Variants in GRM8 observed in about 807,000 individuals in gnomAD.
GRM8 encodes metabotropic glutamate receptor 8.
A neutral mutation model predicts 87.2 loss-of-function variants in GRM8; 47 were observed. The ratio of observed to expected loss-of-function variants is 0.54; its 90% CI spans 0.43 to 0.69. GRM8 has a LOEUF of 0.69. Ranked by LOEUF, GRM8 falls within the 30% of genes least tolerant of loss-of-function variation. The pLI is 0.00. For synonymous variants in GRM8, 396 were observed against 404.5 expected (o/e 0.98, Z 0.25); for missense variants, 1,019 against 1,139.2 (o/e 0.89, Z 1.52).
intron 7 of GRM8, among the ~76,000 whole-genome samples, chr7:126,742,112 A>G (rs1815076353): frequency 6.6e-6 from 1 of 151,910 alleles, no homozygotes; most frequent in Non-Finnish European, 1.5e-5. Context: ...TGTATTTTCC[A>G]TCTGCATTTG....
chr7:126,739,659 A>T (rs1814711009), intron 7 of GRM8, among the ~76,000 whole-genome samples: 1 of 152,074 alleles, frequency 6.6e-6, no homozygotes, highest in South Asian at 2.1e-4. Flanking sequence ...ATCCTCCCAC[A>T]ACCCCTTTGT....
intron 9 of GRM8, among the ~76,000 whole-genome samples, chr7:126,468,073 T>C (rs1010463043): frequency 1.3e-5 from 2 of 152,046 alleles, no homozygotes; most frequent in South Asian, 2.1e-4. Context: ...ATAAATAAGA[T>C]AATGCATATG....
intron 7 of GRM8, among the ~76,000 whole-genome samples, chr7:126,654,542 A>G (rs1358093154): frequency 2.0e-5 from 3 of 152,230 alleles, no homozygotes; most frequent in African/African-American, 7.2e-5. Context: ...AATTGTACCC[A>G]GTATTTATGT....
At chr7:126,543,639 TG>T (rs1440771908) in intron 8 of GRM8, among the ~76,000 whole-genome samples, 49 of 152,322 alleles carry the variant, frequency 3.2e-4, no homozygotes, top group African/African-American at 1.2e-3. Flanking sequence ...ACTTAGTTCA[TG>T]GGTTTGTGAG....
chr7:127,023,508 A>T (rs1055539119), intron 3 of GRM8, among the ~76,000 whole-genome samples: 4 of 152,114 alleles, frequency 2.6e-5, no homozygotes, highest in African/African-American at 9.6e-5. Flanking sequence ...TAATTTTCAA[A>T]CCCGGACAGT....
chr7:127,033,921 T>C (rs1376242381), intron 3 of GRM8, among the ~76,000 whole-genome samples: 1 of 152,204 alleles, frequency 6.6e-6, no homozygotes, highest in Non-Finnish European at 1.5e-5. Flanking sequence ...CAAATTATGG[T>C]GTCTAAAAGA....
intron 3 of GRM8, among the ~76,000 whole-genome samples, chr7:127,002,671 C>T (rs1260254087): frequency 1.3e-5 from 2 of 151,578 alleles, no homozygotes; most frequent in Admixed American, 1.3e-4. Flanking sequence ...CAGGACAGTC[C>T]ACTAATACTC....
chr7:126,584,638 A>G (rs1477759385), intron 8 of GRM8, among the ~76,000 whole-genome samples: 1 of 152,176 alleles, frequency 6.6e-6, no homozygotes, highest in Non-Finnish European at 1.5e-5. Flanking sequence ...TATAAACCAT[A>G]AAAACTCCTA....
At chr7:126,631,062 T>C (rs1205274488) in intron 7 of GRM8, among the ~76,000 whole-genome samples, 2 of 152,026 alleles carry the variant, frequency 1.3e-5, no homozygotes, top group Non-Finnish European at 2.9e-5. Flanking sequence ...AAATAAAGGG[T>C]ATTCAAATAG....
chr7:127,195,673 C>G (rs1795242987), intron 2 of GRM8, among the ~76,000 whole-genome samples: 1 of 152,132 alleles, frequency 6.6e-6, no homozygotes, highest in African/African-American at 2.4e-5. Context: ...ACTCTTCCTT[C>G]CAGACTTAAC....
chr7:126,568,401 T>C (rs1794422633), intron 8 of GRM8, among the ~76,000 whole-genome samples: 1 of 152,212 alleles, frequency 6.6e-6, no homozygotes, highest in South Asian at 2.1e-4. Flanking sequence ...TCGGAACTGA[T>C]GTAAGTCTTT....
intron 7 of GRM8, among the ~76,000 whole-genome samples, chr7:126,759,646 A>T (rs1817386032): frequency 6.6e-6 from 1 of 152,108 alleles, no homozygotes. Flanking sequence ...TCACCTCCCA[A>T]ACTAATCCTT....
At chr7:126,914,306 T>C (rs1803631894) in intron 3 of GRM8, among the ~76,000 whole-genome samples, 1 of 152,182 alleles carries the variant, frequency 6.6e-6, no homozygotes, top group African/African-American at 2.4e-5. Flanking sequence ...AAGGAAGACT[T>C]ACACACTGTT....
chr7:126,668,768 CT>C (rs1160197013), intron 7 of GRM8, among the ~76,000 whole-genome samples: 1 of 152,108 alleles, frequency 6.6e-6, no homozygotes, highest in Non-Finnish European at 1.5e-5. Flanking sequence ...TGGCAGTTAA[CT>C]TTTAAAGTTT....
chr7:127,145,230 C>A (rs1237980334), intron 2 of GRM8, among the ~76,000 whole-genome samples: 1 of 152,076 alleles, frequency 6.6e-6, no homozygotes, highest in East Asian at 1.9e-4. Flanking sequence ...ACATGGTAAG[C>A]CCAAACTAAT....
chr7:127,051,481 C>T (rs1296560377), intron 3 of GRM8, among the ~76,000 whole-genome samples: 1 of 152,012 alleles, frequency 6.6e-6, no homozygotes, highest in African/African-American at 2.4e-5. Flanking sequence ...TTTGTGTTGG[C>T]CTGAGCAGCT....
chr7:126,515,119 G>A (rs1432207254), intron 9 of GRM8, among the ~76,000 whole-genome samples: 2 of 151,844 alleles, frequency 1.3e-5, no homozygotes, highest in Non-Finnish European at 2.9e-5. Context: ...TTTGGATTTT[G>A]TTCTTTTGTT....
intron 7 of GRM8, among the ~76,000 whole-genome samples, chr7:126,624,030 C>G (rs905722175): frequency 6.6e-6 from 1 of 152,242 alleles, no homozygotes; most frequent in African/African-American, 2.4e-5. Context: ...CTTTTTACCC[C>G]CTCTTGCATT....
chr7:126,496,529 A>G (rs1385789600), intron 9 of GRM8, among the ~76,000 whole-genome samples: 1 of 151,932 alleles, frequency 6.6e-6, no homozygotes, highest in Non-Finnish European at 1.5e-5. Flanking sequence ...ACCAAGACAC[A>G]TCTGTCACTT....
Sources: allele counts gnomAD v4.1 joint callset (sites outside exome capture counted in the v4.1 genomes callset), GRCh38; gene constraint gnomAD v4.1.1; transcripts MANE v1.5; gene names NCBI Gene and HGNC (gene_info 2026-07-23, HGNC 2026-07-21).